The following GKAP1 variants were observed in gnomAD, a reference collection of about 807,000 sequenced individuals.
GKAP1 encodes the protein G kinase anchoring protein 1.
In GKAP1, 31 loss-of-function variants were observed where a neutral mutation model predicts 56.7. The observed-to-expected ratio is 0.55, with a 90% CI of 0.41 to 0.74. The LOEUF (loss-of-function observed/expected upper bound fraction) is 0.74. GKAP1 is among the 30% of genes least tolerant of loss of function. The probability of loss-of-function intolerance (pLI) is 0.00; values close to 1 mark genes in which losing one functional copy is unlikely to be tolerated. For synonymous variants in GKAP1, 151 were observed against 138.6 expected (o/e 1.09, Z -0.63); for missense variants, 364 against 402.3 (o/e 0.90, Z 0.82).
chr9:83,782,702 G>T (rs1165844182), intron 6 of GKAP1, among the ~76,000 whole-genome samples: 64 of 108,922 alleles, frequency 5.9e-4, no homozygotes, highest in Middle Eastern at 8.9e-3. Flanking sequence ...GTCTCACTCT[G>T]TTGTCCCAGG....
chr9:83,740,554 T>C (rs540147054), intron 12 of GKAP1, among the ~76,000 whole-genome samples: 2 of 152,326 alleles, frequency 1.3e-5, no homozygotes, highest in East Asian at 1.9e-4. Context: ...GTATAGTTTT[T>C]CCCATTTTTA....
intron 7 of GKAP1, among the ~76,000 whole-genome samples, chr9:83,779,446 T>TACACACACACACACAC (rs1451197767): frequency 0.059 from 6,966 of 117,902 alleles, 503 homozygotes; most frequent in Non-Finnish European, 0.087. Flanking sequence ...TATATATATA[T>TACACACACACACACAC]ATACACACAC....
intron 4 of GKAP1, chr9:83,793,099 C>A: frequency 3.7e-6 from 2 of 535,802 alleles, no homozygotes; most frequent in East Asian, 1.0e-4. Context: ...AATGAAAAAC[C>A]TAAAGGACAG....
At chr9:83,799,121 A>G in intron 4 of GKAP1, 64 bp downstream of exon 4, 2 of 1,372,396 alleles carry the variant, frequency 1.5e-6, no homozygotes, top group Non-Finnish European at 1.0e-6. Context: ...ATTCAGAGGC[A>G]CTGCCATGTG....
intron 8 of GKAP1, among the ~76,000 whole-genome samples, chr9:83,761,299 A>C (rs531597423): frequency 6.6e-6 from 1 of 152,244 alleles, no homozygotes; most frequent in South Asian, 2.1e-4. Context: ...ATGAGCAACT[A>C]TATGCCAATA....
intron 7 of GKAP1, among the ~76,000 whole-genome samples, chr9:83,770,937 ACT>A (rs370951094): frequency 1.3e-3 from 196 of 152,332 alleles, no homozygotes; most frequent in Middle Eastern, 0.01. Flanking sequence ...GATTTTTATC[ACT>A]GTCTATCCAA....
chr9:83,756,487 A>G (rs923288853), intron 8 of GKAP1, among the ~76,000 whole-genome samples: 3 of 146,482 alleles, frequency 2.0e-5, no homozygotes, highest in African/African-American at 5.0e-5. Flanking sequence ...AAAAAAAAAA[A>G]AAAAAGAAAA....
At chr9:83,758,009 C>T (rs763187391) in intron 8 of GKAP1, among the ~76,000 whole-genome samples, 2 of 151,948 alleles carry the variant, frequency 1.3e-5, no homozygotes, top group African/African-American at 2.4e-5. Flanking sequence ...TGGAATATGC[C>T]GCAAGGGTAA....
intron 3 of GKAP1, 52 bp downstream of exon 3, chr9:83,806,250 C>T (rs1944437990): frequency 1.7e-6 from 2 of 1,193,932 alleles, no homozygotes; most frequent in East Asian, 2.5e-5. Context: ...TATCTGTTCT[C>T]AGGATGATTA....
intron 8 of GKAP1, among the ~76,000 whole-genome samples, chr9:83,759,585 C>T (rs138455689): frequency 2.9e-4 from 44 of 152,260 alleles, no homozygotes; most frequent in African/African-American, 9.6e-4. Flanking sequence ...TATTCTTTTG[C>T]TATTACAAAC....
At chr9:83,795,260 A>G (rs1194464260) in intron 4 of GKAP1, among the ~76,000 whole-genome samples, 1 of 152,106 alleles carries the variant, frequency 6.6e-6, no homozygotes, top group Non-Finnish European at 1.5e-5. Flanking sequence ...TATAATTTAC[A>G]TATCATTTTA....
intron 2 of GKAP1, 90 bp downstream of exon 2, chr9:83,816,906 G>A (rs1353949564): frequency 5.3e-5 from 8 of 152,054 alleles, no homozygotes; most frequent in Non-Finnish European, 1.5e-5. Context: ...CGGTAAGGCT[G>A]TTCCAAACAA....
At chr9:83,809,345 C>T (rs1232047369) in intron 2 of GKAP1, among the ~76,000 whole-genome samples, 1 of 152,214 alleles carries the variant, frequency 6.6e-6, no homozygotes, top group Admixed American at 6.5e-5. Flanking sequence ...CTTCCAGATA[C>T]AAGAAACCTC....
chr9:83,800,801 A>C (rs1026988204), intron 3 of GKAP1, among the ~76,000 whole-genome samples: 2 of 152,188 alleles, frequency 1.3e-5, no homozygotes, highest in Non-Finnish European at 2.9e-5. Context: ...AATAAGGCAA[A>C]GGTGGAGCTG....
chr9:83,780,281 C>G (rs538665011), intron 7 of GKAP1, 101 bp downstream of exon 7: 1 of 712,220 alleles, frequency 1.4e-6, no homozygotes, highest in African/African-American at 1.9e-5. Context: ...ATGGGTTGTC[C>G]TTTAAATGAT....
intron 8 of GKAP1, among the ~76,000 whole-genome samples, chr9:83,761,586 C>G (rs1057091682): frequency 9.9e-5 from 15 of 150,874 alleles, no homozygotes; most frequent in African/African-American, 3.2e-4. Flanking sequence ...ACCCTGATAC[C>G]AAAACCGGAC....
chr9:83,792,092 G>GT (rs1243645290), intron 4 of GKAP1, among the ~76,000 whole-genome samples: 1 of 152,194 alleles, frequency 6.6e-6, no homozygotes, highest in East Asian at 1.9e-4. Context: ...CATGCTAGCT[G>GT]TGACTTTGAA....
chr9:83,782,927 C>T (rs557309623), intron 6 of GKAP1, among the ~76,000 whole-genome samples: 202 of 152,086 alleles, frequency 1.3e-3, no homozygotes, highest in African/African-American at 4.4e-3. Context: ...GCGTTGTCCC[C>T]GCAAAGTGCT....
intron 3 of GKAP1, among the ~76,000 whole-genome samples, chr9:83,800,688 A>C (rs1944318356): frequency 6.6e-6 from 1 of 152,178 alleles, no homozygotes; most frequent in South Asian, 2.1e-4. Flanking sequence ...CTCCATACAT[A>C]GTGAACTGTA....
Sources: gnomAD v4.1 joint callset for allele counts (sites outside exome capture counted in the v4.1 genomes callset) on GRCh38, gnomAD v4.1.1 for gene constraint, MANE v1.5 for transcripts, NCBI Gene and HGNC (gene_info 2026-07-23, HGNC 2026-07-21) for gene names.